The following DENND4C variants were observed in gnomAD, a reference collection of about 807,000 sequenced individuals.
DENND4C encodes the protein DENN domain-containing protein 4C.
DENND4C carries 108 observed loss-of-function variants against 203.0 expected under a neutral mutation model. The ratio of observed to expected loss-of-function variants is 0.53; its 90% CI spans 0.46 to 0.62. The LOEUF is 0.62. Ranked by LOEUF, DENND4C falls within the 20% of genes least tolerant of loss-of-function variation. DENND4C has a pLI of 0.00. For synonymous variants in DENND4C, 871 were observed against 792.4 expected, an observed-to-expected ratio of 1.10 and a Z score of -1.67; for missense variants, 2,481 against 2,301.2, an observed-to-expected ratio of 1.08 and a Z score of -1.60.
At chr9:19,239,560 C>G (rs1195709759) in intron 1 of DENND4C, among the ~76,000 whole-genome samples, 1 of 151,926 alleles carries the variant, frequency 6.6e-6, no homozygotes, top group Non-Finnish European at 1.5e-5. Context: ...AAAAGTTACT[C>G]ACTGCAACCT....
chr9:19,273,964 A>G (rs1832313759), intron 1 of DENND4C, among the ~76,000 whole-genome samples: 1 of 152,070 alleles, frequency 6.6e-6, no homozygotes, highest in East Asian at 1.9e-4. Context: ...GGGTATTCAC[A>G]GCAGCTTTAT....
In DENND4C at chr9:19,287,763, C is replaced by T. The variant is rs185276015; in HGVS notation, c.558+742C>T. Among the ~76,000 whole-genome samples, 6 of 148,334 alleles carry T rather than the reference C, an allele frequency of 4.0e-5. No homozygotes were observed. In the East Asian group the frequency reaches 1.2e-3, roughly 30 times the overall value. ...TATTTTTTTTTTTCAGACGGAGTCT[C>T]GCTCTGTCGCCCAGGCTGGAGTGCA... On this transcript the variant is annotated intron_variant, in intron 3 of 32. Coordinates refer to ENST00000434457, the MANE Select transcript of DENND4C (RefSeq NM_001330640.2).
chr9:19,281,964 C>A (rs1468765181), intron 2 of DENND4C, among the ~76,000 whole-genome samples: 1 of 152,138 alleles, frequency 6.6e-6, no homozygotes, highest in Non-Finnish European at 1.5e-5. Flanking sequence ...ATGAATGGAC[C>A]TTGCAGGACT....
At chr9:19,338,155 T>C (rs1820891681) in intron 20 of DENND4C, among the ~76,000 whole-genome samples, 1 of 152,228 alleles carries the variant, frequency 6.6e-6, no homozygotes, top group African/African-American at 2.4e-5. Flanking sequence ...TTGTATATTA[T>C]ATTAACAAAT....
chr9:19,250,634 AGTTAGTT>A (rs1826330868), intron 1 of DENND4C, among the ~76,000 whole-genome samples: 1 of 151,630 alleles, frequency 6.6e-6, no homozygotes, highest in African/African-American at 2.4e-5. Flanking sequence ...ATCAAAAGCA[AGTTAGTT>A]ACTTCCTGGA....
intron 10 of DENND4C, among the ~76,000 whole-genome samples, chr9:19,310,343 G>T (rs969237220): frequency 6.6e-6 from 1 of 152,206 alleles, no homozygotes; most frequent in Admixed American, 6.5e-5. Context: ...ACTTTGAGCA[G>T]TTTGTCATAA....
intron 16 of DENND4C, among the ~76,000 whole-genome samples, chr9:19,331,585 G>A (rs1374399243): frequency 1.3e-5 from 2 of 152,184 alleles, no homozygotes; most frequent in Non-Finnish European, 2.9e-5. Flanking sequence ...AATCTTGGCA[G>A]GAGATAGCCT....
Position 19,276,399 on chromosome 9 carries a change from G to A in DENND4C, c.225G>A (p.Leu75=), listed in dbSNP as rs1832906764. 8.1e-7 allele frequency: 1 copy of A among 1,231,936 alleles called. No homozygotes were observed. Among genetic ancestry groups the A allele is most frequent in the Admixed American group, 4.2e-5 (1 of 23,684 alleles). 76.3% of individuals were successfully genotyped at this position (1,231,936 alleles called of 1,614,324 possible). ...EATPSALQAN[L]NYGSLKSPEL... is the part of the protein sequence containing the mutation. ...CTCCATCAGCTCTCCAAGCAAACTT[G>A]AACTATGGAAGTCTGAAAAGCCCAG... Residue 75 remains leucine (L), a synonymous_variant, in exon 2 of 33, where the codon TTG becomes TTA. Coordinates refer to ENST00000434457, the MANE Select transcript of DENND4C (RefSeq NM_001330640.2).
At chr9:19,354,769 C>G (rs982897535) in intron 26 of DENND4C, among the ~76,000 whole-genome samples, 4 of 151,974 alleles carry the variant, frequency 2.6e-5, no homozygotes, top group African/African-American at 9.7e-5. Context: ...TGGTCTCGAA[C>G]TCCTGATCTC....
chr9:19,258,206 C>G (rs1828467133), intron 1 of DENND4C, among the ~76,000 whole-genome samples: 1 of 152,108 alleles, frequency 6.6e-6, no homozygotes, highest in South Asian at 2.1e-4. Flanking sequence ...GAATTGAAAT[C>G]ATAGTTTAAA....
Position 19,295,114 on chromosome 9 carries a change from A to G in DENND4C, c.802-894A>G, listed in dbSNP as rs377354030. 8.6e-5 allele frequency among the ~76,000 whole-genome samples: 13 copies of G among 152,044 alleles called. No individual in the cohort carries two copies. In the South Asian group the frequency reaches 1.5e-3, roughly 17 times the overall value. On this transcript the variant is annotated intron_variant, in intron 5 of 32. Coordinates refer to ENST00000434457, the MANE Select transcript of DENND4C (RefSeq NM_001330640.2). The stretch of plus-strand genomic sequence containing the variant: ...AGGCCGGGTGCAGTGGCTCATGCCT[A>G]TAATCCCAGCACTTTGGGAGGCTGA...
chr9:19,295,691 AAG>A (rs1304371788), intron 5 of DENND4C, among the ~76,000 whole-genome samples: 1 of 151,744 alleles, frequency 6.6e-6, no homozygotes, highest in African/African-American at 2.4e-5. Context: ...AAAAAAGAAA[AAG>A]AAAAATCCAC....
At chr9:19,234,869 T>A (rs1256909123) in intron 1 of DENND4C, among the ~76,000 whole-genome samples, 1 of 151,912 alleles carries the variant, frequency 6.6e-6, no homozygotes, top group Non-Finnish European at 1.5e-5. Context: ...AAAATAATGC[T>A]ATAATGAAAT....
intron 1 of DENND4C, among the ~76,000 whole-genome samples, chr9:19,256,256 ATACT>A (rs1827891821): frequency 1.3e-5 from 2 of 150,936 alleles, no homozygotes; most frequent in South Asian, 4.2e-4. Flanking sequence ...ACTGAAAAAC[ATACT>A]TTATTTTTAA....
At chr9:19,291,944 A>G (rs1293966176) in intron 5 of DENND4C, among the ~76,000 whole-genome samples, 1 of 152,202 alleles carries the variant, frequency 6.6e-6, no homozygotes, top group Non-Finnish European at 1.5e-5. Context: ...GGTTGATGAA[A>G]AAATTGAGTC....
At chr9:19,366,635 G>A (rs377612087) in intron 30 of DENND4C, among the ~76,000 whole-genome samples, 17 of 152,120 alleles carry the variant, frequency 1.1e-4, no homozygotes, top group African/African-American at 3.6e-4. Flanking sequence ...CACGTGCTGG[G>A]ACAACAGGCT....
At chr9:19,282,709 T>TTC (rs202247189) in intron 2 of DENND4C, among the ~76,000 whole-genome samples, 2,790 of 129,030 alleles carry the variant, frequency 0.022, 224 homozygotes, top group Middle Eastern at 0.034. Flanking sequence ...TCTTTTTTTC[T>TTC]TCTCTCTTTT....
chr9:19,368,322 C>T (rs372808331), intron 30 of DENND4C, among the ~76,000 whole-genome samples: 12 of 142,038 alleles, frequency 8.4e-5, no homozygotes, highest in African/African-American at 2.1e-4. Context: ...TATTTAGGGG[C>T]GGTGTTACAC....
intron 1 of DENND4C, among the ~76,000 whole-genome samples, chr9:19,237,715 C>G (rs1190865425): frequency 2.6e-5 from 4 of 152,162 alleles, no homozygotes; most frequent in Non-Finnish European, 5.9e-5. Context: ...TACTCATTTC[C>G]AATCTGTATG....
Sources: gnomAD v4.1 joint callset for allele counts (sites outside exome capture counted in the v4.1 genomes callset) on GRCh38, gnomAD v4.1.1 for gene constraint, MANE v1.5 for transcripts, NCBI Gene and HGNC (gene_info 2026-07-23, HGNC 2026-07-21) for gene names.